ADAM23: variants seen among roughly 807,000 people sequenced by gnomAD.
ADAM23 encodes ADAM metallopeptidase domain 23.
A neutral mutation model predicts 120.1 loss-of-function variants in ADAM23; 33 were observed. The ratio of observed to expected loss-of-function variants is 0.27; its 90% confidence interval spans 0.21 to 0.37. The LOEUF (loss-of-function observed/expected upper bound fraction) is 0.37. ADAM23 is among the 10% of genes least tolerant of loss of function. ADAM23 has a pLI of 1.00. For missense variants in ADAM23, 862 were observed against 1,058.2 expected (o/e 0.81, Z 2.57); for synonymous variants, 367 against 375.2 (o/e 0.98, Z 0.25).
At chr2:206,520,825 C>T (rs1276161886) in intron 3 of ADAM23, among the ~76,000 whole-genome samples, 5 of 152,010 alleles carry the variant, frequency 3.3e-5, no homozygotes, top group Non-Finnish European at 5.9e-5. Context: ...GTTCCCTTTC[C>T]TTTGAAAGTC....
intron 3 of ADAM23, among the ~76,000 whole-genome samples, chr2:206,526,913 G>A (rs1320262173): frequency 6.6e-6 from 1 of 152,188 alleles, no homozygotes; most frequent in African/African-American, 2.4e-5. Flanking sequence ...CTTTAGTGGT[G>A]CAGATTCACC....
At chr2:206,614,856 G>A (rs546077166) in intron 25 of ADAM23, among the ~76,000 whole-genome samples, 22 of 152,072 alleles carry the variant, frequency 1.4e-4, no homozygotes, top group Non-Finnish European at 2.8e-4. Context: ...TTCCATGACT[G>A]TATCCCAGTT....
chr2:206,484,121 A>G (rs561101162), intron 3 of ADAM23, among the ~76,000 whole-genome samples: 318 of 152,314 alleles, frequency 2.1e-3, no homozygotes, highest in Non-Finnish European at 3.9e-3. Context: ...CAAGGGCAGA[A>G]CTTAGTTTTG....
chr2:206,479,426 T>G (rs1372671201), intron 2 of ADAM23, among the ~76,000 whole-genome samples: 1 of 152,210 alleles, frequency 6.6e-6, no homozygotes, highest in Non-Finnish European at 1.5e-5. Flanking sequence ...TCATCTCTAC[T>G]GTATAATATT....
At chr2:206,611,599 G>A (rs192924570) in intron 25 of ADAM23, among the ~76,000 whole-genome samples, 11 of 152,188 alleles carry the variant, frequency 7.2e-5, no homozygotes, top group Non-Finnish European at 1.2e-4. Flanking sequence ...AAGAAATCCC[G>A]GTTTCAAAGG....
chr2:206,560,327 C>A (rs1199345847), intron 11 of ADAM23, among the ~76,000 whole-genome samples: 2 of 151,646 alleles, frequency 1.3e-5, no homozygotes, highest in Non-Finnish European at 2.9e-5. Context: ...CCTTTAGAGC[C>A]CATAACTTCC....
At chr2:206,544,134 A>C (rs1697348645) in intron 6 of ADAM23, among the ~76,000 whole-genome samples, 1 of 152,214 alleles carries the variant, frequency 6.6e-6, no homozygotes, top group Non-Finnish European at 1.5e-5. Context: ...AGAAAAAAAA[A>C]CAGCTTTCAT....
chr2:206,448,486 T>A (rs184945962), intron 2 of ADAM23, among the ~76,000 whole-genome samples: 15 of 133,878 alleles, frequency 1.1e-4, no homozygotes, highest in Admixed American at 5.8e-4. Context: ...ACCGTTGGAA[T>A]CTCCAGAGTG....
At chr2:206,449,735 T>C (rs1695153420) in intron 2 of ADAM23, among the ~76,000 whole-genome samples, 1 of 152,202 alleles carries the variant, frequency 6.6e-6, no homozygotes, top group African/African-American at 2.4e-5. Context: ...CAGTCCACCC[T>C]GGGCCACAGA....
At chr2:206,473,473 C>T (rs1370366856) in intron 2 of ADAM23, among the ~76,000 whole-genome samples, 1 of 151,848 alleles carries the variant, frequency 6.6e-6, no homozygotes, top group Non-Finnish European at 1.5e-5. Context: ...GTGGCTCACA[C>T]CTGTAATCTC....
chr2:206,513,651 A>G (rs1055859354), intron 3 of ADAM23, among the ~76,000 whole-genome samples: 3 of 152,258 alleles, frequency 2.0e-5, no homozygotes, highest in Admixed American at 6.5e-5. Context: ...TGGCTACACT[A>G]AACAACAGAT....
At chr2:206,502,055 A>C (rs1037334867) in intron 3 of ADAM23, among the ~76,000 whole-genome samples, 1 of 152,182 alleles carries the variant, frequency 6.6e-6, no homozygotes, top group Non-Finnish European at 1.5e-5. Context: ...AATAATGTCA[A>C]AAATGCACTA....
At chr2:206,476,773 T>G (rs138818086) in intron 2 of ADAM23, among the ~76,000 whole-genome samples, 1,807 of 152,310 alleles carry the variant, frequency 0.012, 19 homozygotes, top group Middle Eastern at 0.031. Flanking sequence ...TTACCCAAGT[T>G]GCTCAATTTC....
intron 2 of ADAM23, among the ~76,000 whole-genome samples, chr2:206,468,881 G>C (rs1695596506): frequency 6.6e-6 from 1 of 152,192 alleles, no homozygotes; most frequent in Non-Finnish European, 1.5e-5. Context: ...GCCTCAGGGA[G>C]CTTTTACCCG....
At chr2:206,540,216 T>TAC (rs71034461) in intron 4 of ADAM23, among the ~76,000 whole-genome samples, 11,441 of 131,692 alleles carry the variant, frequency 0.087, 492 homozygotes, top group African/African-American at 0.11. Flanking sequence ...CCCTTCACTG[T>TAC]ACACACACAC....
intron 15 of ADAM23, among the ~76,000 whole-genome samples, chr2:206,569,823 G>A (rs565222595): frequency 1.2e-3 from 180 of 152,318 alleles, no homozygotes; most frequent in Non-Finnish European, 2.3e-3. Context: ...AGGAGGATCA[G>A]TTCTTTCTCA....
At chr2:206,521,592 T>C (rs1696843334) in intron 3 of ADAM23, among the ~76,000 whole-genome samples, 1 of 152,210 alleles carries the variant, frequency 6.6e-6, no homozygotes, top group Non-Finnish European at 1.5e-5. Context: ...ACATTTGGTA[T>C]ACACCTTTTC....
chr2:206,519,818 C>G (rs1696807981), intron 3 of ADAM23, among the ~76,000 whole-genome samples: 1 of 151,906 alleles, frequency 6.6e-6, no homozygotes, highest in African/African-American at 2.4e-5. Context: ...TGGAGACCAG[C>G]CTGGGGAAGA....
rs1326318817 is a variant in ADAM23, at chr2:206,620,652, T to C, written c.*3025T>C. 1 of 152,162 alleles carries C rather than the reference T, an allele frequency of 6.6e-6. No individual in the cohort carries two copies. The highest frequency in any genetic ancestry group is 1.9e-4 in the East Asian group (1 of 5,204). 9.4% of individuals were successfully genotyped at this position (152,162 alleles called of 1,614,324 possible). ...CCTGCTCTACTTTTGCTGCATTAAT[T>C]AATGACACCCGGATGAGGAGACGTG... On this transcript the variant is annotated 3_prime_UTR_variant, in exon 26 of 26. Coordinates refer to ENST00000264377, the MANE Select transcript of ADAM23 (RefSeq NM_003812.4).
Sources: allele counts gnomAD v4.1 joint callset (sites outside exome capture counted in the v4.1 genomes callset), GRCh38; gene constraint gnomAD v4.1.1; transcripts MANE v1.5; gene names NCBI Gene and HGNC (gene_info 2026-07-23, HGNC 2026-07-21).